TAF3: variants seen among roughly 807,000 people sequenced by gnomAD.
TAF3 encodes TATA-box binding protein associated factor 3.
Under a neutral mutation model 80.6 loss-of-function variants are expected in TAF3, and 7 were observed. The ratio of observed to expected loss-of-function variants is 0.09; its 90% CI spans 0.05 to 0.16. The LOEUF (loss-of-function observed/expected upper bound fraction) is 0.16, where lower values mean the gene tolerates loss of function less well. Among genes scored for constraint, TAF3 ranks in the 10% least tolerant of loss-of-function variants. The pLI, the probability that TAF3 is intolerant of heterozygous loss-of-function variation, is 1.00. For synonymous variants in TAF3, 444 were observed against 446.1 expected, an observed-to-expected ratio of 1.00 and a Z score of 0.06; for missense variants, 921 against 1,140.2, an observed-to-expected ratio of 0.81 and a Z score of 2.77.
chr10:8,005,575 A>G (rs1174915033), intron 4 of TAF3, among the ~76,000 whole-genome samples: 1 of 152,178 alleles, frequency 6.6e-6, no homozygotes, highest in Non-Finnish European at 1.5e-5. Context: ...CGTCCTCTTC[A>G]TCATAACCAA....
chr10:7,958,492 TA>T (rs201373329), intron 2 of TAF3, among the ~76,000 whole-genome samples: 37 of 149,080 alleles, frequency 2.5e-4, no homozygotes, highest in South Asian at 6.3e-4. Flanking sequence ...GGGTAAAAAT[TA>T]AAAAAAAAAA....
intron 2 of TAF3, among the ~76,000 whole-genome samples, chr10:7,848,208 G>A (rs1485228778): frequency 6.6e-6 from 1 of 152,160 alleles, no homozygotes; most frequent in Non-Finnish European, 1.5e-5. Flanking sequence ...TATACTGAGG[G>A]TTAAAGTAAA....
At chr10:7,883,936 C>T (rs75850426) in intron 2 of TAF3, among the ~76,000 whole-genome samples, 5 of 152,228 alleles carry the variant, frequency 3.3e-5, no homozygotes, top group East Asian at 1.9e-4. Flanking sequence ...CACCAGGCAA[C>T]GCAGGGCATC....
At chr10:7,973,035 A>T (rs1831635980) in intron 3 of TAF3, among the ~76,000 whole-genome samples, 1 of 152,224 alleles carries the variant, frequency 6.6e-6, no homozygotes, top group African/African-American at 2.4e-5. Context: ...TGGTGTCAGG[A>T]GACCTGGATT....
chr10:7,977,533 T>G (rs1831685700), intron 4 of TAF3, among the ~76,000 whole-genome samples: 2 of 152,238 alleles, frequency 1.3e-5, no homozygotes, highest in Non-Finnish European at 2.9e-5. Context: ...GATTTTTTTT[T>G]TCTTGTTCTT....
chr10:7,885,428 A>G (rs886285847), intron 2 of TAF3, among the ~76,000 whole-genome samples: 1 of 152,022 alleles, frequency 6.6e-6, no homozygotes, highest in African/African-American at 2.4e-5. Context: ...TAAAATATTA[A>G]TATGGCTCCA....
intron 5 of TAF3, among the ~76,000 whole-genome samples, chr10:8,011,035 G>C (rs1234516086): frequency 8.5e-5 from 13 of 152,086 alleles, no homozygotes; most frequent in Non-Finnish European, 1.8e-4. Flanking sequence ...ACGTTCTTTG[G>C]ATACTATAGA....
intron 2 of TAF3, among the ~76,000 whole-genome samples, chr10:7,916,828 TTTAC>T (rs1277304707): frequency 6.6e-6 from 1 of 152,214 alleles, no homozygotes; most frequent in African/African-American, 2.4e-5. Flanking sequence ...TGCTTTTCAA[TTTAC>T]TTACTATCTG....
intron 2 of TAF3, among the ~76,000 whole-genome samples, chr10:7,892,336 T>G (rs1437879665): frequency 6.6e-6 from 1 of 152,200 alleles, no homozygotes; most frequent in African/African-American, 2.4e-5. Flanking sequence ...GCTGAGGAGC[T>G]TTCAGCTTCA....
chr10:7,959,165 A>AC (rs1564371393), intron 2 of TAF3, among the ~76,000 whole-genome samples: 6 of 111,192 alleles, frequency 5.4e-5, no homozygotes, highest in South Asian at 7.2e-4. Flanking sequence ...CACACACACA[A>AC]AAAAAGTTTC....
intron 1 of TAF3, among the ~76,000 whole-genome samples, chr10:7,821,561 C>T (rs1159024803): frequency 6.6e-6 from 1 of 152,164 alleles, no homozygotes; most frequent in African/African-American, 2.4e-5. Flanking sequence ...TTAGAAGTTA[C>T]CATTAATTCA....
Position 7,841,369 on chromosome 10 carries a change from A to G in TAF3, c.409+16809A>G, listed in dbSNP as rs144872353. On this transcript the variant is annotated intron_variant, in intron 2 of 6. Transcript: ENST00000344293. ...TAGAGGTCCTTCCCTGCTTTCCTAG[A>G]GCTTACAGTCTACTTGGGGAAAGAA... is the stretch of plus-strand genomic sequence containing the variant. 5.5e-3 allele frequency among the ~76,000 whole-genome samples: 837 copies of G among 152,234 alleles called. 11 individuals are homozygous for G. Among genetic ancestry groups the G allele is most frequent in the African/African-American group, 0.019 (786 of 41,516 alleles).
At chr10:7,855,476 C>A (rs77445101) in intron 2 of TAF3, among the ~76,000 whole-genome samples, 4,367 of 152,318 alleles carry the variant, frequency 0.029, 91 homozygotes, top group South Asian at 0.084. Context: ...GAGATGCTGG[C>A]AGCCATTTCT....
intron 4 of TAF3, among the ~76,000 whole-genome samples, chr10:7,981,703 T>C (rs1355848793): frequency 6.6e-6 from 1 of 152,230 alleles, no homozygotes; most frequent in Non-Finnish European, 1.5e-5. Flanking sequence ...TTCTTACAAT[T>C]CAGTAACTTC....
intron 2 of TAF3, among the ~76,000 whole-genome samples, chr10:7,887,244 A>AG (rs1837417231): frequency 2.6e-5 from 4 of 151,680 alleles, no homozygotes; most frequent in Non-Finnish European, 5.9e-5. Context: ...AAAAAAAAAA[A>AG]AAAAGAAAGA....
At chr10:7,908,004 A>G (rs571612463) in intron 2 of TAF3, among the ~76,000 whole-genome samples, 133 of 152,344 alleles carry the variant, frequency 8.7e-4, no homozygotes, top group Non-Finnish European at 1.6e-3. Flanking sequence ...AGAAGTTGGC[A>G]GTGGTGCAGA....
chr10:7,950,526 T>C (rs1838072196), intron 2 of TAF3, among the ~76,000 whole-genome samples: 1 of 152,246 alleles, frequency 6.6e-6, no homozygotes, highest in Admixed American at 6.5e-5. Context: ...ATTCTTTTCA[T>C]GAAATGCTTC....
chr10:8,002,618 C>A (rs548649775), intron 4 of TAF3, among the ~76,000 whole-genome samples: 1 of 152,236 alleles, frequency 6.6e-6, no homozygotes, highest in East Asian at 1.9e-4. Context: ...GGGTCAGTTT[C>A]TTTCATTGTT....
At chr10:7,965,880 A>G (rs1831566548) in intron 3 of TAF3, 138 bp downstream of exon 3, 1 of 1,308,194 alleles carries the variant, frequency 7.6e-7, no homozygotes, top group Admixed American at 2.9e-5. Flanking sequence ...TAATGAGGTT[A>G]CAAAATTTGA....
Sources: gnomAD v4.1 joint callset for allele counts (sites outside exome capture counted in the v4.1 genomes callset) on GRCh38, gnomAD v4.1.1 for gene constraint, MANE v1.5 for transcripts, NCBI Gene and HGNC (gene_info 2026-07-23, HGNC 2026-07-21) for gene names.